MBNL2: variants seen among roughly 807,000 people sequenced by gnomAD.
MBNL2 encodes muscleblind like splicing regulator 2.
In MBNL2, 17 loss-of-function variants were observed where a neutral mutation model predicts 41.9. That is an observed-to-expected ratio of 0.41 (90% confidence interval 0.28 to 0.61). The LOEUF (loss-of-function observed/expected upper bound fraction) is 0.61, where lower values mean the gene tolerates loss of function less well. Among genes scored for constraint, MBNL2 ranks in the 20% least tolerant of loss-of-function variants. The probability of loss-of-function intolerance (pLI) is 0.35; values close to 1 mark genes in which losing one functional copy is unlikely to be tolerated. For synonymous variants in MBNL2, 195 were observed against 182.9 expected (o/e 1.07, Z -0.53); for missense variants, 336 against 505.6 (o/e 0.66, Z 3.22).
chr13:97,344,983 C>T (rs1041762449), intron 4 of MBNL2, among the ~76,000 whole-genome samples: 15 of 152,176 alleles, frequency 9.9e-5, no homozygotes, highest in African/African-American at 3.4e-4. Context: ...GAAGTCATTC[C>T]ATTGATGGAG....
intron 2 of MBNL2, among the ~76,000 whole-genome samples, chr13:97,305,904 C>T (rs978423119): frequency 9.2e-5 from 14 of 151,968 alleles, no homozygotes; most frequent in African/African-American, 2.2e-4. Context: ...CTAAGAGGAG[C>T]GGAACAGGGA....
chr13:97,146,479 G>A, the MBNL2 span, among the ~76,000 whole-genome samples: 71,357 of 152,020 alleles, frequency 0.47, 20,261 homozygotes, highest in Non-Finnish European at 0.62. Flanking sequence ...GAGCACAGAA[G>A]GAGTGCTGTT....
At chr13:97,263,225 T>C (rs2048996912) in intron 1 of MBNL2, among the ~76,000 whole-genome samples, 2 of 152,234 alleles carry the variant, frequency 1.3e-5, no homozygotes, top group Non-Finnish European at 2.9e-5. Flanking sequence ...TTGACCTTTC[T>C]GCTCTACCAT....
intron 1 of MBNL2, among the ~76,000 whole-genome samples, chr13:97,258,365 T>C (rs866810275): frequency 3.9e-5 from 6 of 152,172 alleles, no homozygotes; most frequent in Non-Finnish European, 8.8e-5. Context: ...GTGGTTTGAG[T>C]CATTGCTCAT....
chr13:97,356,869 T>G lies in MBNL2; in HGVS notation c.858+20T>G. On this transcript the variant is annotated intron_variant, in intron 6 of 8. Coordinates refer to ENST00000679496, the MANE Select transcript of MBNL2 (RefSeq NM_001382683.1). ...GACCTGGTACTTTGACCTTTCACCT[T>G]TCGCTTTGCATGTAGCTTTTCAGAG... 7.4e-7 allele frequency: 1 copy of G among 1,349,024 alleles called. No homozygotes were observed. Among genetic ancestry groups the G allele is most frequent in the South Asian group, 1.2e-5 (1 of 86,274 alleles). 83.6% of individuals were successfully genotyped at this position (1,349,024 alleles called of 1,614,324 possible). A position where few individuals can be genotyped will look rare whatever the true frequency, so the allele number is the denominator to read the frequency against.
intron 8 of MBNL2, among the ~76,000 whole-genome samples, chr13:97,380,539 G>A (rs1488267249): frequency 6.6e-6 from 1 of 151,948 alleles, no homozygotes; most frequent in African/African-American, 2.4e-5. Context: ...CTTGAGCCAT[G>A]TACAGTTCAG....
At chr13:97,152,757 T>G in the MBNL2 span, among the ~76,000 whole-genome samples, 1 of 152,212 alleles carries the variant, frequency 6.6e-6, no homozygotes, top group African/African-American at 2.4e-5. Flanking sequence ...CTTGCACCTT[T>G]CTTGCACCTT....
chr13:97,331,416 A>T (rs2060428441), intron 2 of MBNL2, among the ~76,000 whole-genome samples: 2 of 152,222 alleles, frequency 1.3e-5, no homozygotes, highest in African/African-American at 2.4e-5. Context: ...GGATAGGTCC[A>T]TGCAAATAAT....
the MBNL2 span, among the ~76,000 whole-genome samples, chr13:97,162,729 T>C: frequency 9.9e-5 from 15 of 152,238 alleles, no homozygotes; most frequent in African/African-American, 2.7e-4. Context: ...GGAGTTAACA[T>C]ACTCATCTGT....
At chr13:97,279,018 A>G (rs1012665623) in intron 2 of MBNL2, among the ~76,000 whole-genome samples, 3 of 152,230 alleles carry the variant, frequency 2.0e-5, no homozygotes, top group Non-Finnish European at 2.9e-5. Flanking sequence ...CTGTAGCAAC[A>G]CGCTGGCATA....
chr13:97,236,969 G>A (rs2043396260), intron 1 of MBNL2, among the ~76,000 whole-genome samples: 1 of 152,164 alleles, frequency 6.6e-6, no homozygotes, highest in African/African-American at 2.4e-5. Flanking sequence ...TGGAAGGAAG[G>A]AAGAGTGTGG....
intron 2 of MBNL2, among the ~76,000 whole-genome samples, chr13:97,286,673 C>A (rs997117720): frequency 6.6e-6 from 1 of 152,192 alleles, no homozygotes; most frequent in African/African-American, 2.4e-5. Flanking sequence ...TGCTCCCCAG[C>A]CCCCCACACT....
At chr13:97,241,395 A>C (rs2044251238) in intron 1 of MBNL2, among the ~76,000 whole-genome samples, 1 of 152,234 alleles carries the variant, frequency 6.6e-6, no homozygotes, top group Admixed American at 6.5e-5. Context: ...ACGTGAAAAA[A>C]ATTCAAAACA....
At chr13:97,368,086 C>T (rs990207872) in intron 8 of MBNL2, among the ~76,000 whole-genome samples, 2 of 152,006 alleles carry the variant, frequency 1.3e-5, no homozygotes, top group African/African-American at 4.8e-5. Context: ...GATTTTTGAC[C>T]CAATTTTTAT....
At chr13:97,175,544 T>C in the MBNL2 span, among the ~76,000 whole-genome samples, 2 of 152,216 alleles carry the variant, frequency 1.3e-5, no homozygotes, top group African/African-American at 4.8e-5. Flanking sequence ...TTGCTGAAGA[T>C]GTCACTGGTG....
chr13:97,388,335 A>C (rs985421647), intron 8 of MBNL2, among the ~76,000 whole-genome samples: 21 of 149,734 alleles, frequency 1.4e-4, no homozygotes, highest in African/African-American at 3.7e-4. Flanking sequence ...ATATATATAT[A>C]TCATTGGTAT....
At chr13:97,147,223 G>A in the MBNL2 span, among the ~76,000 whole-genome samples, 25 of 152,296 alleles carry the variant, frequency 1.6e-4, no homozygotes, top group South Asian at 2.1e-3. Context: ...TGCACTGTCT[G>A]TTCACTTTAT....
At chr13:97,357,053 A>C (rs1312955039) in intron 6 of MBNL2, among the ~76,000 whole-genome samples, 3 of 152,226 alleles carry the variant, frequency 2.0e-5, no homozygotes, top group Non-Finnish European at 4.4e-5. Context: ...TTTCCAAAAG[A>C]GTGAAGCAAA....
Position 97,343,114 on chromosome 13 carries a change from G to A in MBNL2, c.438G>A (p.Thr146=), listed in dbSNP as rs776050563. 7.4e-6 allele frequency: 12 copies of A among 1,613,926 alleles called. No homozygotes were observed. Among genetic ancestry groups the A allele is most frequent in the East Asian group, 2.2e-5 (1 of 44,880 alleles). ...PVTPGVGLVP[T]EILPTTPVIV... ...CCCCTGGAGTTGGGTTGGTCCCAAC[G>A]GAAATTCTGCCCACCACGCCTGTTA... The change falls in exon 4 of 9, where the codon ACG becomes ACA. Residue 146 remains threonine, a synonymous_variant. Transcript: ENST00000679496.
Sources: gnomAD v4.1 joint callset for allele counts (sites outside exome capture counted in the v4.1 genomes callset) on GRCh38, gnomAD v4.1.1 for gene constraint, MANE v1.5 for transcripts, NCBI Gene and HGNC (gene_info 2026-07-23, HGNC 2026-07-21) for gene names.